Variants in AAK1 observed in about 807,000 individuals in gnomAD.
AAK1 encodes the protein AP2-associated protein kinase 1.
Under a neutral mutation model 116.0 loss-of-function variants are expected in AAK1, and 37 were observed. The observed-to-expected ratio is 0.32, with a 90% CI of 0.25 to 0.42. AAK1 has a LOEUF of 0.42. AAK1 is among the 10% of genes least tolerant of loss of function. The probability of loss-of-function intolerance (pLI) is 1.00; values close to 1 mark genes in which losing one functional copy is unlikely to be tolerated. For synonymous variants in AAK1, 458 were observed against 439.9 expected (o/e 1.04, Z -0.51); for missense variants, 919 against 1,170.6 (o/e 0.79, Z 3.14).
Position 69,473,440 on chromosome 2 carries a change from C to A in AAK1, c.*2429G>T, listed in dbSNP as rs551852331. The A allele has an allele frequency of 1.0e-6, 1 of 985,288 alleles. No individual in the cohort carries two copies. Among genetic ancestry groups the A allele is most frequent in the Admixed American group, 6.1e-5 (1 of 16,272 alleles). The allele number at this position is 985,288 out of a possible 1,614,324, so 61.0% of individuals were successfully genotyped here. On this transcript the variant is annotated 3_prime_UTR_variant, in exon 22 of 22. Transcript: ENST00000409085. ...CAAAGCACTCATATGTGTTCCTTAA[C>A]AGAAAAATAGTTCTCCCCTTTGAGG...
chr2:69,515,592 A>T (rs10197696), intron 12 of AAK1, among the ~76,000 whole-genome samples: 4 of 151,898 alleles, frequency 2.6e-5, no homozygotes, highest in Admixed American at 1.3e-4. Flanking sequence ...GCCTCTGAAG[A>T]TGCTGAGATT....
chr2:69,490,141 C>G (rs1210116271), intron 17 of AAK1, among the ~76,000 whole-genome samples: 2 of 152,122 alleles, frequency 1.3e-5, no homozygotes, highest in Non-Finnish European at 2.9e-5. Context: ...CTTGCTTAGT[C>G]TGTGGAACGC....
At chr2:69,540,819 T>C (rs923427724) in intron 5 of AAK1, among the ~76,000 whole-genome samples, 2 of 152,246 alleles carry the variant, frequency 1.3e-5, no homozygotes, top group Non-Finnish European at 2.9e-5. Context: ...ATAGCAGTGT[T>C]ATTATTCATA....
At position 69,467,897 on chromosome 2, in the gene AAK1, G is replaced by GT. The variant is rs1674542343; in HGVS notation, c.*7971dup. ...ATAAGATACTGTACAAAAATACTATGTTTCTCTGAATCCTATAACTTTTTA... is the reference window on the plus strand; with the variant it reads ...ATAAGATACTGTACAAAAATACTATGTTTTCTCTGAATCCTATAACTTTTTA... On this transcript the variant is annotated 3_prime_UTR_variant, in exon 22 of 22. Coordinates refer to ENST00000409085, the MANE Select transcript of AAK1 (RefSeq NM_014911.5). The GT allele has an allele frequency of 1.0e-6, 1 of 985,196 alleles. No individual in the cohort carries two copies. Among genetic ancestry groups the GT allele is most frequent in the Admixed American group, 6.1e-5 (1 of 16,284 alleles). The allele number at this position is 985,196 out of a possible 1,614,324, so 61.0% of individuals were successfully genotyped here. A position where few individuals can be genotyped will look rare whatever the true frequency, so the allele number is the denominator to read the frequency against.
At chr2:69,494,727 C>G (rs1197970315) in intron 17 of AAK1, among the ~76,000 whole-genome samples, 2 of 152,288 alleles carry the variant, frequency 1.3e-5, no homozygotes, top group South Asian at 4.1e-4. Flanking sequence ...CTATTTCATT[C>G]CTTTCTTCCC....
At position 69,475,828 on chromosome 2, in the gene AAK1, G is replaced by A. The variant is rs561703324; in HGVS notation, c.*41C>T. On this transcript the variant is annotated 3_prime_UTR_variant, in exon 22 of 22. Coordinates refer to ENST00000409085, the MANE Select transcript of AAK1 (RefSeq NM_014911.5). ...ACTCCGTAATGAAAATGTATTTTAC[G>A]GTATGAAGGTTACAGAACTGCATCT... 43 of 1,563,370 alleles carry A rather than the reference G, an allele frequency of 2.8e-5. 1 individual carries two copies. In the Admixed American group the frequency reaches 3.6e-4, roughly 13 times the overall value.
intron 2 of AAK1, among the ~76,000 whole-genome samples, chr2:69,559,730 T>C (rs1671551793): frequency 1.3e-5 from 2 of 152,196 alleles, no homozygotes; most frequent in Admixed American, 6.5e-5. Flanking sequence ...ATAAAAACCA[T>C]GTGATACCCT....
Position 69,466,421 on chromosome 2 carries a change from T to C in AAK1, c.*9448A>G, listed in dbSNP as rs1572867045. 7.8e-7 allele frequency: 1 copy of C among 1,289,834 alleles called. No homozygotes were observed. The highest frequency in any genetic ancestry group is 5.5e-5 in the East Asian group (1 of 18,026). 79.9% of individuals were successfully genotyped at this position (1,289,834 alleles called of 1,614,324 possible). On this transcript the variant is annotated 3_prime_UTR_variant, in exon 22 of 22. Transcript: ENST00000409085. ...CATCTCTGGCCAAGTAGTCAGATTC[T>C]AAGTTGTTCTGAGTCTTTGTGCCAG... is the stretch of plus-strand genomic sequence containing the variant.
At chr2:69,535,392 C>T (rs1670420610) in intron 5 of AAK1, among the ~76,000 whole-genome samples, 1 of 141,728 alleles carries the variant, frequency 7.1e-6, no homozygotes, top group Admixed American at 7.5e-5. Context: ...CACGTTTCAA[C>T]TCCTACTATA....
In AAK1 at chr2:69,554,986, C is replaced by T. The variant is rs114420432; in HGVS notation, c.282+1874G>A. Reference sequence around the variant, plus strand: ...ACAATGCCTGCCTAGCCCAAGTAAGCTCTCAGTGTGTTTTTAAATAAGGAG... The same window carrying T: ...ACAATGCCTGCCTAGCCCAAGTAAGTTCTCAGTGTGTTTTTAAATAAGGAG... On this transcript the variant is annotated intron_variant, in intron 3 of 21. Coordinates refer to ENST00000409085, the MANE Select transcript of AAK1 (RefSeq NM_014911.5). Among the ~76,000 whole-genome samples the T allele has an allele frequency of 4.3e-3, 661 of 152,284 alleles. 8 individuals carry two copies. The highest frequency in any genetic ancestry group is 0.015 in the African/African-American group (639 of 41,532).
At chr2:69,537,555 G>A (rs1389261943) in intron 5 of AAK1, among the ~76,000 whole-genome samples, 6 of 152,188 alleles carry the variant, frequency 3.9e-5, no homozygotes, top group Non-Finnish European at 7.3e-5. Flanking sequence ...TGGAAATCCT[G>A]CTCACAGAGA....
At position 69,480,849 on chromosome 2, in the gene AAK1, A is replaced by C. The variant is rs1158013554; in HGVS notation, c.2569+11T>G. The C allele has an allele frequency of 1.3e-6, 2 of 1,580,952 alleles. No individual in the cohort carries two copies. Among genetic ancestry groups the C allele is most frequent in the Non-Finnish European group, 1.7e-6 (2 of 1,163,400 alleles). On this transcript the variant is annotated intron_variant, in intron 19 of 21. Transcript: ENST00000409085. ...GACCAGTCCCTGCAGCTGCAGAGAC[A>C]CCTGACTGACCTGTGCGATTCGAGG...
At chr2:69,601,409 G>C (rs146011508) in intron 2 of AAK1, among the ~76,000 whole-genome samples, 1 of 152,332 alleles carries the variant, frequency 6.6e-6, no homozygotes, top group African/African-American at 2.4e-5. Flanking sequence ...TCAGCACAGA[G>C]GCAGTTTATT....
intron 2 of AAK1, among the ~76,000 whole-genome samples, chr2:69,591,517 C>CTTTTTTTT (rs200675453): frequency 3.4e-4 from 46 of 135,078 alleles, no homozygotes; most frequent in African/African-American, 1.1e-3. Context: ...TTCTTTTTTT[C>CTTTTTTTT]TTTTTCTTTT....
chr2:69,621,310 T>C (rs547663099), intron 2 of AAK1, among the ~76,000 whole-genome samples: 1 of 152,128 alleles, frequency 6.6e-6, no homozygotes, highest in Non-Finnish European at 1.5e-5. Flanking sequence ...ACTCTGTCTC[T>C]AACAAAAATA....
rs758898750 is a variant in AAK1, at chr2:69,542,677, C to T, written c.392-12G>A. 15 of 1,612,880 alleles carry T rather than the reference C, an allele frequency of 9.3e-6. No homozygotes were observed. Among genetic ancestry groups the T allele is most frequent in the East Asian group, 2.2e-5 (1 of 44,894 alleles). On this transcript the variant is annotated splice_polypyrimidine_tract_variant and intron_variant, in intron 4 of 21. Coordinates refer to ENST00000409085, the MANE Select transcript of AAK1 (RefSeq NM_014911.5). ...TACCACCTGGCCACCTGAGGGGGTACGTACAGGGCAAAGGAGACGTTATAA... is the reference window on the plus strand; with the variant it reads ...TACCACCTGGCCACCTGAGGGGGTATGTACAGGGCAAAGGAGACGTTATAA...
chr2:69,533,591 C>T (rs1283246917), intron 5 of AAK1, among the ~76,000 whole-genome samples: 6 of 152,208 alleles, frequency 3.9e-5, no homozygotes, highest in South Asian at 2.1e-4. Context: ...CTAAACCTTG[C>T]TTATGGTGGT....
chr2:69,510,726 A>G (rs1490823927), intron 13 of AAK1, among the ~76,000 whole-genome samples: 1 of 152,090 alleles, frequency 6.6e-6, no homozygotes, highest in African/African-American at 2.4e-5. Flanking sequence ...CACTGATGGG[A>G]TGGGTATATA....
Position 69,643,197 on chromosome 2 carries a change from G to A in AAK1, c.-157C>T, listed in dbSNP as rs1419218100. 2.1e-6 allele frequency: 3 copies of A among 1,433,216 alleles called. No individual in the cohort carries two copies. The highest frequency in any genetic ancestry group is 2.7e-6 in the Non-Finnish European group (3 of 1,102,614). The allele number at this position is 1,433,216 out of a possible 1,614,324, so 88.8% of individuals were successfully genotyped here. ...GCCGTGGGGGTGGGGGCTGAGGGAG[G>A]ATGCCTATAGGAATATGCGTGTCAA... On this transcript the variant is annotated 5_prime_UTR_variant, in exon 2 of 22. Transcript: ENST00000409085.
Sources: allele counts gnomAD v4.1 joint callset (sites outside exome capture counted in the v4.1 genomes callset), GRCh38; gene constraint gnomAD v4.1.1; transcripts MANE v1.5; gene names NCBI Gene and HGNC (gene_info 2026-07-23, HGNC 2026-07-21).